Variants in QSER1 observed in about 807,000 individuals in gnomAD.
QSER1 encodes glutamine and serine-rich protein 1.
In QSER1, 49 loss-of-function variants were observed where a neutral mutation model predicts 158.5. The observed-to-expected ratio is 0.31, with a 90% CI of 0.25 to 0.39. The LOEUF is 0.39. QSER1 is among the 10% of genes least tolerant of loss of function. The probability of loss-of-function intolerance (pLI) is 1.00; values close to 1 mark genes in which losing one functional copy is unlikely to be tolerated. For missense variants in QSER1, 1,754 were observed against 2,010.3 expected, an observed-to-expected ratio of 0.87 and a Z score of 2.44; for synonymous variants, 650 against 715.5, an observed-to-expected ratio of 0.91 and a Z score of 1.46.
At chr11:32,971,188 G>T (rs573725023) in intron 10 of QSER1, among the ~76,000 whole-genome samples, 20 of 152,060 alleles carry the variant, frequency 1.3e-4, no homozygotes, top group African/African-American at 4.8e-4. Context: ...AAAGTGCTGG[G>T]ATTACAGGTG....
rs180968313 is a variant in QSER1 at position 32,899,819 on chromosome 11, G to A, written c.209+6485G>A. ...TTTCTCTCCACTGACCCTAGGTGTA[G>A]TTGCCATATATGTGAGATGACTTTC... On this transcript the variant is annotated intron_variant, in intron 1 of 12. Transcript: ENST00000650167. Among the ~76,000 whole-genome samples the A allele has an allele frequency of 4.7e-3, 713 of 152,248 alleles. 5 individuals are homozygous for A. Among genetic ancestry groups the A allele is most frequent in the Non-Finnish European group, 8.8e-3 (601 of 68,026 alleles).
intron 3 of QSER1, 75 bp downstream of exon 3, chr11:32,928,198 T>C: frequency 1.1e-6 from 1 of 910,332 alleles, no homozygotes; most frequent in Non-Finnish European, 1.8e-6. Context: ...GGCCTTGTCA[T>C]TGTGGCTGGG....
intron 8 of QSER1, among the ~76,000 whole-genome samples, chr11:32,964,638 A>G (rs1269792267): frequency 6.7e-6 from 1 of 148,466 alleles, no homozygotes; most frequent in Non-Finnish European, 1.5e-5. Flanking sequence ...CTGAGACAGG[A>G]GGATCACTTG....
At position 32,969,119 on chromosome 11, in the gene QSER1, T is replaced by A; in HGVS notation, c.5181T>A (p.Asn1727Lys). The A allele has an allele frequency of 6.3e-7, 1 of 1,593,602 alleles. No individual in the cohort carries two copies. Among genetic ancestry groups the A allele is most frequent in the Non-Finnish European group, 8.5e-7 (1 of 1,170,236 alleles). The part of the protein sequence containing the change: ...LNDNRKRLLL[N>K]LHLDQSFKNA... ...ATAACCGAAAGAGACTTCTTTTGAA[T>A]CTTCATTTGGATCAATCATTCAAGG... The change falls in exon 10 of 13, where the codon AAT becomes AAA. Residue 1727 changes from asparagine to lysine, a missense_variant. Around this residue, in one of 2 missense-constraint regions of QSER1, gnomAD observed 1,707 missense variants for 1,919.6 expected, o/e 0.89. Coordinates refer to ENST00000650167, the MANE Select transcript of QSER1 (RefSeq NM_001076786.3).
chr11:32,911,793 T>C (rs1002728056), intron 1 of QSER1, among the ~76,000 whole-genome samples: 2 of 152,218 alleles, frequency 1.3e-5, no homozygotes, highest in African/African-American at 4.8e-5. Context: ...TAAACCTCTT[T>C]TCTTTTTAAG....
chr11:32,900,586 G>T (rs947765570), intron 1 of QSER1, among the ~76,000 whole-genome samples: 7 of 151,518 alleles, frequency 4.6e-5, no homozygotes, highest in Non-Finnish European at 1.0e-4. Flanking sequence ...ATGACTTATC[G>T]TGGCCTACAA....
chr11:32,941,383 C>G lies in QSER1; in HGVS notation c.4177+5948C>G, dbSNP rs1260800330. 2.8e-5 allele frequency among the ~76,000 whole-genome samples: 3 copies of G among 107,742 alleles called. No homozygotes were observed. The East Asian group carries it at 9.5e-4, about 34-fold the overall frequency. The allele number at this position is 107,742 out of a possible 152,430, so 70.7% of individuals were successfully genotyped here. A position where few individuals can be genotyped will look rare whatever the true frequency, so the allele number is the denominator to read the frequency against. ...TATCTCCCAATGCTATCCCTCCCCC[C>G]TCCACCCCCCACAACAGTCCCCAGA... On this transcript the variant is annotated intron_variant, in intron 4 of 12. Transcript: ENST00000650167.
Position 32,932,840 on chromosome 11 carries a change from CA to C in QSER1, c.1584del (p.Glu529ArgfsTer21). 6.2e-7 allele frequency: 1 copy of C among 1,614,000 alleles called. No individual in the cohort carries two copies. The highest frequency in any genetic ancestry group is 8.5e-7 in the Non-Finnish European group (1 of 1,179,946). On this transcript the variant is annotated frameshift_variant, in exon 4 of 13. Transcript: ENST00000650167. LOFTEE classifies it high-confidence loss of function. ...GACGCTTAATTATTCATCTAATCAG[CA>C]AGAGGTATTGTCTTCAGTTACAAAT... Reference protein sequence around the residue: ...NQTLNYSSNQQEVLSSVTNEN... With the variant: ...NQTLNYSSNQXEVLSSVTNEN...
chr11:32,960,081 G>C (rs192010183), intron 8 of QSER1, among the ~76,000 whole-genome samples: 20 of 151,980 alleles, frequency 1.3e-4, no homozygotes, highest in African/African-American at 3.9e-4. Flanking sequence ...TGTACTGTTT[G>C]TAAATGCTAT....
intron 1 of QSER1, among the ~76,000 whole-genome samples, chr11:32,907,476 C>T (rs554842879): frequency 9.2e-5 from 14 of 152,170 alleles, no homozygotes; most frequent in South Asian, 4.1e-4. Flanking sequence ...ATTGACTCTA[C>T]GGTTTTCTCA....
intron 4 of QSER1, among the ~76,000 whole-genome samples, chr11:32,943,469 T>A (rs2133565876): frequency 6.6e-6 from 1 of 152,048 alleles, no homozygotes; most frequent in African/African-American, 2.4e-5. Context: ...GTCAAAGGCC[T>A]TTTCTGCATC....
chr11:32,959,767 A>T (rs1029421777), intron 8 of QSER1, among the ~76,000 whole-genome samples: 1 of 152,008 alleles, frequency 6.6e-6, no homozygotes, highest in African/African-American at 2.4e-5. Flanking sequence ...TACCGTTTTT[A>T]TTTTTTATTT....
In QSER1 at chr11:32,977,408, C is replaced by T. The variant is rs1852996619; in HGVS notation, c.*934C>T. On this transcript the variant is annotated 3_prime_UTR_variant, in exon 13 of 13. Coordinates refer to ENST00000650167, the MANE Select transcript of QSER1 (RefSeq NM_001076786.3). ...GCATTCAGTACTAGAATTAGTTTAG[C>T]TTTATAAATAGGGCTGTGTTAGACA... 6.6e-6 allele frequency: 1 copy of T among 152,556 alleles called. No homozygotes were observed. Among genetic ancestry groups the T allele is most frequent in the South Asian group, 2.1e-4 (1 of 4,834 alleles). The allele number at this position is 152,556 out of a possible 1,614,324, so 9.5% of individuals were successfully genotyped here.
At chr11:32,948,452 C>T (rs1345729323) in intron 4 of QSER1, among the ~76,000 whole-genome samples, 1 of 152,014 alleles carries the variant, frequency 6.6e-6, no homozygotes, top group Non-Finnish European at 1.5e-5. Context: ...ATAGTGAGAG[C>T]CTATCTCTAC....
intron 4 of QSER1, among the ~76,000 whole-genome samples, chr11:32,943,968 G>T (rs1454357845): frequency 6.6e-6 from 1 of 150,754 alleles, no homozygotes; most frequent in Non-Finnish European, 1.5e-5. Context: ...TCTTGGGAGA[G>T]TGTATGTGTC....
At position 32,934,817 on chromosome 11, in the gene QSER1, A is replaced by C. The variant is rs200226940; in HGVS notation, c.3559A>C (p.Lys1187Gln). 257 of 1,613,956 alleles carry C rather than the reference A, an allele frequency of 1.6e-4. No homozygotes were observed. The highest frequency in any genetic ancestry group is 2.0e-4 in the Non-Finnish European group (235 of 1,180,008). Residue 1187 changes from lysine to glutamine, a missense_variant, in exon 4 of 13, where the codon AAG becomes CAG. By Grantham distance (53) the Lys-to-Gln change is moderately conservative. This residue lies in a region of QSER1 where 1,707 missense variants were observed against 1,919.6 expected (regional missense o/e 0.89). Transcript: ENST00000650167. Reference protein sequence around the residue: ...MAQSGDAVSVKIEEENQDLMH... With the variant: ...MAQSGDAVSVQIEEENQDLMH... ...CCAATCTGGGGATGCAGTCAGTGTC[A>C]AGATTGAAGAAGAAAACCAAGATTT...
chr11:32,932,763 A>G lies in QSER1; in HGVS notation c.1505A>G (p.Tyr502Cys). 1 of 1,614,140 alleles carries G rather than the reference A, an allele frequency of 6.2e-7. No homozygotes were observed. ...AAGGTTGAGAAATTGCCACCCTTGT[A>G]TAAAACATTGACTTTTTCTGGGTCA... ...SSKVEKLPPLYKTLTFSGSSQ... is the reference protein window; with the variant it reads ...SSKVEKLPPLCKTLTFSGSSQ... The change falls in exon 4 of 13, where the codon TAT becomes TGT. Residue 502 changes from tyrosine to cysteine, a missense_variant. Tyr to Cys is a radical substitution (Grantham distance 194). Coordinates refer to ENST00000650167, the MANE Select transcript of QSER1 (RefSeq NM_001076786.3).
At chr11:32,919,817 A>G (rs955042389) in intron 1 of QSER1, among the ~76,000 whole-genome samples, 1 of 152,182 alleles carries the variant, frequency 6.6e-6, no homozygotes, top group African/African-American at 2.4e-5. Context: ...GTATGGACCC[A>G]TGGATATATA....
chr11:32,923,326 G>T (rs1054654896), intron 1 of QSER1, among the ~76,000 whole-genome samples: 1 of 152,190 alleles, frequency 6.6e-6, no homozygotes, highest in South Asian at 2.1e-4. Context: ...TCTTTGTGGT[G>T]ATGGAAGTGT....
Sources: gnomAD v4.1 joint callset for allele counts (sites outside exome capture counted in the v4.1 genomes callset) on GRCh38, gnomAD v4.1.1 for gene constraint, gnomAD v4.1.1 regional missense constraint, MANE v1.5 for transcripts, NCBI Gene and HGNC (gene_info 2026-07-23, HGNC 2026-07-21) for gene names.